PLA2G4E: variants seen among roughly 807,000 people sequenced by gnomAD.
PLA2G4E encodes cytosolic phospholipase A2 epsilon.
A neutral mutation model predicts 109.1 loss-of-function variants in PLA2G4E; 84 were observed. That is an observed-to-expected ratio of 0.77 (90% CI 0.65 to 0.92). The LOEUF (loss-of-function observed/expected upper bound fraction) is 0.92, where lower values mean the gene tolerates loss of function less well. Among genes scored for constraint, PLA2G4E ranks in the 40% least tolerant of loss-of-function variants. The pLI, the probability that PLA2G4E is intolerant of heterozygous loss-of-function variation, is 0.00. For synonymous variants in PLA2G4E, 469 were observed against 436.1 expected (o/e 1.08, Z -0.94); for missense variants, 1,057 against 1,076.6 (o/e 0.98, Z 0.25).
Position 42,007,749 on chromosome 15 carries a change from G to A in PLA2G4E, c.373C>T (p.Gln125Ter). The change falls in exon 3 of 20, where the codon CAG (glutamine) becomes TAG (stop). Residue 125 changes from glutamine (Q) to a stop codon, truncating the protein, a stop_gained. Transcript: ENST00000399518. LOFTEE classifies it high-confidence loss of function. ...CTCACCTTCACTCGGCTCTGGATCT[G>A]GAAGTTGAAGCTTTCATTCCACTCT... The A allele has an allele frequency of 6.2e-7, 1 of 1,612,620 alleles. No homozygotes were observed.
chr15:42,015,405 C>T (rs1213566745), intron 1 of PLA2G4E, among the ~76,000 whole-genome samples: 1 of 152,220 alleles, frequency 6.6e-6, no homozygotes, highest in South Asian at 2.1e-4. Context: ...GTGGGAGCCG[C>T]TCCCGTTTCA....
chr15:42,012,269 A>G (rs2068543762), intron 2 of PLA2G4E, among the ~76,000 whole-genome samples: 1 of 152,080 alleles, frequency 6.6e-6, no homozygotes. Flanking sequence ...AAGTCATGCA[A>G]TCTCTTCCTC....
intron 1 of PLA2G4E, among the ~76,000 whole-genome samples, chr15:42,019,418 A>T (rs2068626997): frequency 6.6e-6 from 1 of 152,206 alleles, no homozygotes; most frequent in Non-Finnish European, 1.5e-5. Flanking sequence ...TCCGATGCCC[A>T]TCGCTGGGCC....
At chr15:41,997,286 G>C in intron 10 of PLA2G4E, 27 bp from the exon 11 acceptor site, 2 of 1,517,066 alleles carry the variant, frequency 1.3e-6, no homozygotes, top group Non-Finnish European at 1.8e-6. Flanking sequence ...CCCTGTATTG[G>C]GCCTGCAGCC....
chr15:42,004,877 G>T lies in PLA2G4E; in HGVS notation c.566+61C>A, dbSNP rs372826734. ...AGGCCGACCTGCCTCTGAAATGCTC[G>T]TTCCCAGAAGCTACTTGATGGCCAG... is the stretch of plus-strand genomic sequence containing the variant. On this transcript the variant is annotated intron_variant, in intron 5 of 19. Coordinates refer to ENST00000399518, the Ensembl canonical transcript of PLA2G4E. 3.2e-5 allele frequency: 51 copies of T among 1,588,802 alleles called. No homozygotes were observed. The East Asian group carries it at 9.5e-4, about 30-fold the overall frequency.
At chr15:42,019,838 G>A (rs2068631160) in intron 1 of PLA2G4E, among the ~76,000 whole-genome samples, 3 of 152,224 alleles carry the variant, frequency 2.0e-5, no homozygotes, top group Admixed American at 1.3e-4. Flanking sequence ...GACCCTCCAG[G>A]CCTGACAGGG....
At chr15:41,983,735 A>G (rs754078428) in exon 20 of PLA2G4E, 1 of 1,558,270 alleles carries the variant, frequency 6.4e-7, no homozygotes, top group South Asian at 1.2e-5. Context: ...GACACAGAAC[A>G]GGGGAGGCTC....
intron 1 of PLA2G4E, among the ~76,000 whole-genome samples, chr15:42,026,142 CT>C (rs1490458089): frequency 6.6e-6 from 1 of 151,914 alleles, no homozygotes; most frequent in African/African-American, 2.4e-5. Flanking sequence ...AACAAAATCA[CT>C]TTAAAAAAAA....
exon 8 of PLA2G4E, chr15:42,000,192 C>T: frequency 1.3e-6 from 2 of 1,594,176 alleles, no homozygotes; most frequent in Non-Finnish European, 1.7e-6. Context: ...GGTTTGGAAG[C>T]AGGCAGAGGT....
At chr15:42,013,960 C>T (rs1304363998) in intron 1 of PLA2G4E, among the ~76,000 whole-genome samples, 1 of 142,728 alleles carries the variant, frequency 7.0e-6, no homozygotes, top group African/African-American at 2.6e-5. Flanking sequence ...GGCGCGATCT[C>T]GGCTCACTGC....
At chr15:42,018,878 C>T (rs980993508) in intron 1 of PLA2G4E, among the ~76,000 whole-genome samples, 3 of 152,122 alleles carry the variant, frequency 2.0e-5, no homozygotes, top group Non-Finnish European at 4.4e-5. Flanking sequence ...TGCCCCTTCC[C>T]ACTCCTACTT....
intron 6 of PLA2G4E, 151 bp downstream of exon 6, chr15:42,002,503 T>C: frequency 1.2e-6 from 1 of 828,178 alleles, no homozygotes; most frequent in Non-Finnish European, 1.9e-6. Context: ...CTGTGCCCCA[T>C]TTGGCTGGCC....
intron 16 of PLA2G4E, among the ~76,000 whole-genome samples, chr15:41,987,809 C>T (rs139910368): frequency 8.9e-4 from 136 of 152,228 alleles, no homozygotes; most frequent in African/African-American, 3.1e-3. Flanking sequence ...GGTGACGATG[C>T]GGAAACATGT....
Position 42,001,199 on chromosome 15 carries a change from C to T in PLA2G4E, c.631G>A (p.Glu211Lys), listed in dbSNP as rs771292105. The T allele has an allele frequency of 2.5e-6, 4 of 1,613,634 alleles. No homozygotes were observed. In the East Asian group the frequency reaches 8.9e-5, roughly 36 times the overall value. ...CGCCTCCTGGATTGTGCATGAACCT[C>T]CAGGCAGGAGACTTGTCGAGACTGT... The change falls in exon 7 of 20, where the codon GAG becomes AAG. Residue 211 changes from glutamate (E) to lysine (K), a missense_variant. Physicochemically the swap from Glu to Lys is moderately conservative, Grantham distance 56 (BLOSUM62 1). Coordinates refer to ENST00000399518, the Ensembl canonical transcript of PLA2G4E.
chr15:41,982,405 T>C (rs1751803867), exon 20 of PLA2G4E: 1 of 152,188 alleles, frequency 6.6e-6, no homozygotes, highest in South Asian at 2.1e-4. Context: ...GGCGGGCTTC[T>C]TCCTCTGACG....
chr15:42,015,846 C>T (rs1483046664), intron 1 of PLA2G4E, among the ~76,000 whole-genome samples: 1 of 152,250 alleles, frequency 6.6e-6, no homozygotes, highest in Non-Finnish European at 1.5e-5. Flanking sequence ...AGCCGGCACA[C>T]CCGGGAAGGG....
chr15:41,992,811 G>C (rs1803843109), exon 13 of PLA2G4E: 1 of 1,613,754 alleles, frequency 6.2e-7, no homozygotes, highest in African/African-American at 1.3e-5. Context: ...TCCTGGCTGC[G>C]CTGCCGGAGC....
chr15:42,013,882 GTTTTTTTTTTTTT>G (rs10539531), intron 1 of PLA2G4E, 125 bp from the exon 2 acceptor site: 41 of 134,298 alleles, frequency 3.1e-4, no homozygotes, highest in African/African-American at 2.5e-3. Flanking sequence ...CCCTAGGCTG[GTTTTTTTTTTTTT>G]TTTTTTTTTT....
chr15:42,001,197 C>T, exon 7 of PLA2G4E: 1 of 1,613,782 alleles, frequency 6.2e-7, no homozygotes, highest in African/African-American at 1.3e-5. Flanking sequence ...GTGCATGAAC[C>T]TCCAGGCAGG....
Sources: gnomAD v4.1 joint callset for allele counts (sites outside exome capture counted in the v4.1 genomes callset) on GRCh38, gnomAD v4.1.1 for gene constraint, MANE v1.5 for transcripts, NCBI Gene and HGNC (gene_info 2026-07-23, HGNC 2026-07-21) for gene names.